The following LARP4B variants were observed in gnomAD, a reference collection of about 807,000 sequenced individuals.
LARP4B encodes the protein La ribonucleoprotein 4B.
LARP4B carries 12 observed loss-of-function variants against 89.8 expected under a neutral mutation model. The observed-to-expected ratio is 0.13, with a 90% confidence interval of 0.09 to 0.22. The LOEUF (loss-of-function observed/expected upper bound fraction) is 0.22. LARP4B is among the 10% of genes least tolerant of loss of function. LARP4B has a pLI of 1.00. For synonymous variants in LARP4B, 367 were observed against 363.3 expected (o/e 1.01, Z -0.12); for missense variants, 757 against 947.7 (o/e 0.80, Z 2.64).
intron 15 of LARP4B, among the ~76,000 whole-genome samples, chr10:817,425 C>T (rs1228455637): frequency 6.6e-6 from 1 of 152,194 alleles, no homozygotes; most frequent in Non-Finnish European, 1.5e-5. Context: ...AAAGGCAGGT[C>T]TGAACTACAA....
intron 6 of LARP4B, among the ~76,000 whole-genome samples, chr10:843,556 A>C (rs984265766): frequency 6.6e-6 from 1 of 152,096 alleles, no homozygotes; most frequent in Non-Finnish European, 1.5e-5. Flanking sequence ...AAAATTAGCC[A>C]GGCATGGTGG....
intron 3 of LARP4B, among the ~76,000 whole-genome samples, chr10:882,014 G>C (rs1306842152): frequency 6.6e-6 from 1 of 152,174 alleles, no homozygotes; most frequent in East Asian, 1.9e-4. Flanking sequence ...GGCCACAGAA[G>C]GGAACAGAAT....
At chr10:936,631 A>C (rs569774459), upstream of LARP4B, among the ~76,000 whole-genome samples, 3 of 152,232 alleles carry the variant, frequency 2.0e-5, no homozygotes, top group East Asian at 5.8e-4. Flanking sequence ...GCTGAGGCAG[A>C]AGAATTGCTT....
At chr10:941,262 A>G in the LARP4B span, among the ~76,000 whole-genome samples, 1 of 152,114 alleles carries the variant, frequency 6.6e-6, no homozygotes, top group African/African-American at 2.4e-5. Context: ...CCCATTTAAG[A>G]CCAGCTAATC....
intron 3 of LARP4B, among the ~76,000 whole-genome samples, chr10:881,008 C>T (rs1213724139): frequency 6.6e-6 from 1 of 152,158 alleles, no homozygotes; most frequent in Non-Finnish European, 1.5e-5. Context: ...AAAGCAGGTA[C>T]TTGGCTGGTC....
chr10:941,494 G>A, the LARP4B span, among the ~76,000 whole-genome samples: 1 of 151,814 alleles, frequency 6.6e-6, no homozygotes, highest in African/African-American at 2.4e-5. Flanking sequence ...TTGTATTTTT[G>A]GTAGAGATGG....
intron 1 of LARP4B, among the ~76,000 whole-genome samples, chr10:890,841 C>G (rs1835997385): frequency 6.6e-6 from 1 of 152,072 alleles, no homozygotes; most frequent in East Asian, 1.9e-4. Context: ...TACGAGAGAA[C>G]AGATGGATTC....
At chr10:833,673 C>G (rs890943766) in intron 8 of LARP4B, among the ~76,000 whole-genome samples, 1 of 152,132 alleles carries the variant, frequency 6.6e-6, no homozygotes, top group Non-Finnish European at 1.5e-5. Context: ...GGACGGATCA[C>G]GAGGTCAAAA....
chr10:820,917 C>T (rs1446190031), intron 13 of LARP4B, 72 bp from the exon 14 acceptor site: 2 of 1,303,340 alleles, frequency 1.5e-6, no homozygotes, highest in African/African-American at 2.9e-5. Flanking sequence ...CACGTTTGCA[C>T]TCACATAATC....
intron 8 of LARP4B, among the ~76,000 whole-genome samples, chr10:834,306 G>T (rs1313865964): frequency 6.6e-6 from 1 of 152,162 alleles, no homozygotes; most frequent in Non-Finnish European, 1.5e-5. Context: ...TTAGGATTAT[G>T]ACTTTTAAAG....
chr10:858,801 G>A (rs1053929835), intron 5 of LARP4B, among the ~76,000 whole-genome samples: 1 of 152,142 alleles, frequency 6.6e-6, no homozygotes, highest in Non-Finnish European at 1.5e-5. Flanking sequence ...CTAACCATTA[G>A]GGAAATGCAA....
intron 1 of LARP4B, among the ~76,000 whole-genome samples, chr10:899,238 G>A (rs1046806052): frequency 6.6e-6 from 1 of 152,126 alleles, no homozygotes; most frequent in African/African-American, 2.4e-5. Flanking sequence ...TACCTTACAC[G>A]GGGATCTTCA....
At position 821,061 on chromosome 10, in the gene LARP4B, G is replaced by A. The variant is rs149419010; in HGVS notation, c.1485-216C>T. ...GCAAGGGACTAACGTGGAAGTCCAGGCAAGTGATAAAGAACAGAAGAAAAC... is the reference window on the plus strand; with the variant it reads ...GCAAGGGACTAACGTGGAAGTCCAGACAAGTGATAAAGAACAGAAGAAAAC... On this transcript the variant is annotated intron_variant, in intron 13 of 17. Transcript: ENST00000316157. The A allele has an allele frequency of 6.0e-4, 337 of 562,436 alleles. 3 individuals are homozygous for A. The East Asian group carries it at 7.8e-3, about 13-fold the overall frequency. 34.8% of individuals were successfully genotyped at this position (562,436 alleles called of 1,614,324 possible).
At chr10:946,735 A>G in the LARP4B span, among the ~76,000 whole-genome samples, 1 of 151,934 alleles carries the variant, frequency 6.6e-6, no homozygotes, top group Non-Finnish European at 1.5e-5. Flanking sequence ...AGTTATATCA[A>G]TTTTTTTTAT....
chr10:817,354 C>G (rs1564378463), intron 15 of LARP4B, among the ~76,000 whole-genome samples: 1 of 152,240 alleles, frequency 6.6e-6, no homozygotes, highest in Non-Finnish European at 1.5e-5. Flanking sequence ...GATTACTACA[C>G]ATTTTAATCA....
chr10:983,350 T>C, the LARP4B span, among the ~76,000 whole-genome samples: 570 of 152,332 alleles, frequency 3.7e-3, 6 homozygotes, highest in African/African-American at 0.013. Flanking sequence ...TCAATGACCA[T>C]CCTGAACAGA....
At position 825,450 on chromosome 10, in the gene LARP4B, G is replaced by C. The variant is rs1446550136; in HGVS notation, c.1233-134C>G. Reference sequence around the variant, plus strand: ...AAGTATAAAAATAGGATTTGGAATGGTTAACTCCTAACATATAGGATAATG... The same window carrying C: ...AAGTATAAAAATAGGATTTGGAATGCTTAACTCCTAACATATAGGATAATG... On this transcript the variant is annotated intron_variant, in intron 12 of 17. Transcript: ENST00000316157. The C allele has an allele frequency of 4.9e-5, 42 of 864,528 alleles. No individual in the cohort carries two copies. The South Asian group carries it at 6.3e-4, about 13-fold the overall frequency. The allele number at this position is 864,528 out of a possible 1,614,324, so 53.6% of individuals were successfully genotyped here. A position where few individuals can be genotyped will look rare whatever the true frequency, so the allele number is the denominator to read the frequency against.
the LARP4B span, among the ~76,000 whole-genome samples, chr10:946,849 A>G: frequency 6.6e-6 from 1 of 152,140 alleles, no homozygotes; most frequent in African/African-American, 2.4e-5. Flanking sequence ...GAGAACTTCC[A>G]TACTTTTGAC....
intron 1 of LARP4B, among the ~76,000 whole-genome samples, chr10:916,976 C>G (rs1836838256): frequency 6.6e-6 from 1 of 152,106 alleles, no homozygotes; most frequent in Non-Finnish European, 1.5e-5. Context: ...GAGATTATAG[C>G]TATGAGCCAC....
Sources: gnomAD v4.1 joint callset for allele counts (sites outside exome capture counted in the v4.1 genomes callset) on GRCh38, gnomAD v4.1.1 for gene constraint, MANE v1.5 for transcripts, NCBI Gene and HGNC (gene_info 2026-07-23, HGNC 2026-07-21) for gene names.